The following ZBBX variants were observed in gnomAD, a reference collection of about 807,000 sequenced individuals.
ZBBX encodes the protein zinc finger B-box domain-containing protein 1.
ZBBX carries 101 observed loss-of-function variants against 108.5 expected under a neutral mutation model. The ratio of observed to expected loss-of-function variants is 0.93; its 90% CI spans 0.79 to 1.10. The LOEUF (loss-of-function observed/expected upper bound fraction) is 1.10. ZBBX is among the 50% of genes least tolerant of loss of function. ZBBX has a pLI of 0.00. For missense variants in ZBBX, 1,009 were observed against 941.4 expected (o/e 1.07, Z -0.94); for synonymous variants, 356 against 323.4 (o/e 1.10, Z -1.08).
At chr3:167,375,608 A>G (rs1305191532) in intron 2 of ZBBX, among the ~76,000 whole-genome samples, 10 of 151,946 alleles carry the variant, frequency 6.6e-5, no homozygotes, top group African/African-American at 2.4e-4. Flanking sequence ...GAAAAAAAAA[A>G]GAATCCATTA....
rs192139009 is a variant in ZBBX at position 167,360,237 on chromosome 3, A to G, written c.323-258T>C. 3.5e-4 allele frequency among the ~76,000 whole-genome samples: 53 copies of G among 149,866 alleles called. No homozygotes were observed. In the East Asian group the frequency reaches 9.5e-3, roughly 27 times the overall value. On this transcript the variant is annotated intron_variant, in intron 7 of 21. Transcript: ENST00000675490. ...TGTGTTTACTATCCTCCAGAAAAAC[A>G]TCTTATTTCCTTGGGAATTATTATA...
At chr3:167,204,819 T>C in the ZBBX span, among the ~76,000 whole-genome samples, 2 of 152,006 alleles carry the variant, frequency 1.3e-5, no homozygotes, top group African/African-American at 4.8e-5. Flanking sequence ...TGATCCAGAT[T>C]CAGGGAGAGA....
At chr3:167,191,934 T>TAGAGAGAGAGAGAGAGAGAGAG in the ZBBX span, among the ~76,000 whole-genome samples, 5 of 130,224 alleles carry the variant, frequency 3.8e-5, no homozygotes, top group African/African-American at 1.2e-4. Flanking sequence ...TATATATATA[T>TAGAGAGAGAGAGAGAGAGAGAG]AGAGCAAGTT....
chr3:167,219,078 C>A, the ZBBX span, among the ~76,000 whole-genome samples: 1 of 151,826 alleles, frequency 6.6e-6, no homozygotes, highest in South Asian at 2.1e-4. Context: ...GTCAATACAG[C>A]AAGAGGATAT....
chr3:167,231,466 T>C, the ZBBX span, among the ~76,000 whole-genome samples: 1 of 151,618 alleles, frequency 6.6e-6, no homozygotes, highest in East Asian at 1.9e-4. Context: ...CTCTGAGAAA[T>C]ATGAAGGTAA....
the ZBBX span, among the ~76,000 whole-genome samples, chr3:167,220,097 T>C: frequency 8.1e-4 from 123 of 151,752 alleles, 1 homozygote; most frequent in African/African-American, 2.8e-3. Flanking sequence ...GAGTTCGAAG[T>C]TGTAATAAAA....
chr3:167,318,202 T>C (rs1294962041), intron 12 of ZBBX, among the ~76,000 whole-genome samples: 1 of 151,980 alleles, frequency 6.6e-6, no homozygotes, highest in Non-Finnish European at 1.5e-5. Flanking sequence ...ACCAAATTAT[T>C]GGAGAGAAGG....
At chr3:167,286,790 G>C (rs956829684) in intron 19 of ZBBX, among the ~76,000 whole-genome samples, 1 of 152,126 alleles carries the variant, frequency 6.6e-6, no homozygotes, top group Admixed American at 6.6e-5. Context: ...TTGTGGCAGG[G>C]ATGAGAAGAA....
intron 19 of ZBBX, among the ~76,000 whole-genome samples, chr3:167,286,016 G>C (rs1368518763): frequency 6.6e-6 from 1 of 152,136 alleles, no homozygotes; most frequent in Non-Finnish European, 1.5e-5. Flanking sequence ...AAAAATAAAA[G>C]AAGGTAAATG....
chr3:167,284,673 G>T (rs1729409121), intron 19 of ZBBX, among the ~76,000 whole-genome samples: 9 of 152,066 alleles, frequency 5.9e-5, no homozygotes, highest in Admixed American at 5.9e-4. Flanking sequence ...TTGAGAAAAA[G>T]TACACAAAGG....
intron 20 of ZBBX, among the ~76,000 whole-genome samples, chr3:167,255,768 A>G (rs1576788634): frequency 6.6e-6 from 1 of 152,238 alleles, no homozygotes; most frequent in African/African-American, 2.4e-5. Flanking sequence ...AAAATTTGGA[A>G]CACATCTCCC....
At chr3:167,194,229 A>AATAAATATATATATATATATATAT in the ZBBX span, among the ~76,000 whole-genome samples, 1 of 139,818 alleles carries the variant, frequency 7.2e-6, no homozygotes, top group Non-Finnish European at 1.6e-5. Context: ...ATATGTACTA[A>AATAAATATATATATATATATATAT]ATATATATAT....
intron 13 of ZBBX, 52 bp downstream of exon 13, chr3:167,317,436 A>G (rs1461360109): frequency 1.8e-5 from 24 of 1,363,342 alleles, no homozygotes; most frequent in Non-Finnish European, 2.3e-5. Context: ...TGCTTAGTGT[A>G]TATAACTTGA....
chr3:167,216,251 C>A, the ZBBX span, among the ~76,000 whole-genome samples: 1 of 152,032 alleles, frequency 6.6e-6, no homozygotes, highest in Admixed American at 6.6e-5. Flanking sequence ...CTAAAAGCTC[C>A]TTCACCTGAT....
the ZBBX span, among the ~76,000 whole-genome samples, chr3:167,215,716 T>C: frequency 6.6e-6 from 1 of 152,154 alleles, no homozygotes; most frequent in Non-Finnish European, 1.5e-5. Context: ...TGAACATCGA[T>C]GCAAAAATCC....
rs138973713 is a variant in ZBBX at position 167,404,468 on chromosome 3, G to A, written c.-446+3258C>T. On this transcript the variant is annotated intron_variant, in intron 1 of 21. Transcript: ENST00000455345. ...TGAGACAATGAGTATTGTCAGAGAA[G>A]AAGATTTTATTTGGGTGATGTCAGC... Among the ~76,000 whole-genome samples, 323 of 152,196 alleles carry A rather than the reference G, an allele frequency of 2.1e-3. 2 individuals are homozygous for A. Among genetic ancestry groups the A allele is most frequent in the African/African-American group, 7.3e-3 (303 of 41,516 alleles).
At chr3:167,209,809 G>T in the ZBBX span, among the ~76,000 whole-genome samples, 3 of 152,182 alleles carry the variant, frequency 2.0e-5, no homozygotes, top group Non-Finnish European at 4.4e-5. Context: ...AAAATAGCTG[G>T]CTGGGAGTGA....
At chr3:167,287,775 T>C (rs1729952123) in intron 19 of ZBBX, among the ~76,000 whole-genome samples, 1 of 152,088 alleles carries the variant, frequency 6.6e-6, no homozygotes, top group African/African-American at 2.4e-5. Context: ...TCGACTTTGA[T>C]GTAAAAATAG....
At chr3:167,234,591 T>C in the ZBBX span, among the ~76,000 whole-genome samples, 8 of 151,972 alleles carry the variant, frequency 5.3e-5, no homozygotes, top group East Asian at 1.6e-3. Flanking sequence ...AAATGTGACT[T>C]ATTTAAATCT....
Sources: gnomAD v4.1 joint callset for allele counts (sites outside exome capture counted in the v4.1 genomes callset) on GRCh38, gnomAD v4.1.1 for gene constraint, MANE v1.5 for transcripts, NCBI Gene and HGNC (gene_info 2026-07-23, HGNC 2026-07-21) for gene names.